TIMM23: variants seen among roughly 807,000 people sequenced by gnomAD.
TIMM23 encodes translocase of inner mitochondrial membrane 23, also known as mitochondrial import inner membrane translocase subunit Tim23.
Under a neutral mutation model 30.7 loss-of-function variants are expected in TIMM23, and 19 were observed. The observed-to-expected ratio is 0.62, with a 90% confidence interval of 0.43 to 0.91. The LOEUF (loss-of-function observed/expected upper bound fraction) is 0.91, where lower values mean the gene tolerates loss of function less well. Among genes scored for constraint, TIMM23 ranks in the 40% least tolerant of loss-of-function variants. TIMM23 has a pLI of 0.00. For synonymous variants in TIMM23, 78 were observed against 98.5 expected (o/e 0.79, Z 1.23); for missense variants, 202 against 269.2 (o/e 0.75, Z 1.75).
chr10:45,998,355 C>T (rs1838411023), intron 6 of TIMM23: 3 of 984,452 alleles, frequency 3.0e-6, no homozygotes, highest in Admixed American at 6.2e-5. Flanking sequence ...GCTTGCCTAT[C>T]GCTTTGGAAG....
In TIMM23 at chr10:46,003,336, G is replaced by C. The variant is rs1838613202; in HGVS notation, c.*18G>C. 6.4e-7 allele frequency: 1 copy of C among 1,559,154 alleles called. No individual in the cohort carries two copies. The highest frequency in any genetic ancestry group is 8.8e-7 in the Non-Finnish European group (1 of 1,130,270). On this transcript the variant is annotated 3_prime_UTR_variant, in exon 7 of 7. Transcript: ENST00000580018. The stretch of plus-strand genomic sequence containing the variant: ...CACTCTGAAGATTTTGCCAACTCAT[G>C]AATGGAGGACACTTCAGTAGTCATC...
intron 6 of TIMM23, among the ~76,000 whole-genome samples, chr10:45,993,543 G>C (rs2132273901): frequency 6.6e-6 from 1 of 152,150 alleles, no homozygotes; most frequent in South Asian, 2.1e-4. Context: ...GATAGAGCGA[G>C]TCTGTCTCAG....
At chr10:45,979,192 T>C (rs1177537013) in intron 2 of TIMM23, among the ~76,000 whole-genome samples, 1 of 152,204 alleles carries the variant, frequency 6.6e-6, no homozygotes, top group African/African-American at 2.4e-5. Flanking sequence ...TGCTTTAAAA[T>C]TTATTGTAGT....
At chr10:45,983,246 A>G (rs1392828920) in intron 4 of TIMM23, among the ~76,000 whole-genome samples, 3 of 152,102 alleles carry the variant, frequency 2.0e-5, no homozygotes, top group African/African-American at 7.2e-5. Context: ...GCTAATGGGA[A>G]TTTTGGATTG....
intron 6 of TIMM23, among the ~76,000 whole-genome samples, chr10:45,997,420 G>GA (rs1234752394): frequency 1.3e-5 from 2 of 152,104 alleles, no homozygotes; most frequent in African/African-American, 4.8e-5. Flanking sequence ...GATTCATACA[G>GA]AAAAAAAGTA....
chr10:46,000,427 C>A (rs1222652913), intron 6 of TIMM23, among the ~76,000 whole-genome samples: 1 of 152,166 alleles, frequency 6.6e-6, no homozygotes, highest in African/African-American at 2.4e-5. Context: ...ACCATGTTGC[C>A]CACGCTGGTC....
Position 45,972,810 on chromosome 10 carries a change from T to A in TIMM23, c.106+80T>A, listed in dbSNP as rs587642514. 4.6e-5 allele frequency: 72 copies of A among 1,559,114 alleles called. No homozygotes were observed. In the South Asian group the frequency reaches 8.0e-4, roughly 17 times the overall value. On this transcript the variant is annotated intron_variant, in intron 1 of 6. Coordinates refer to ENST00000580018, the MANE Select transcript of TIMM23 (RefSeq NM_006327.4). ...AAGTTGCGCGTCCCATGTTTTATGT[T>A]GTTGTTTTTTTTTTCCTTGCTGGCA...
chr10:46,002,161 C>T (rs895158051), intron 6 of TIMM23, among the ~76,000 whole-genome samples: 10 of 152,014 alleles, frequency 6.6e-5, no homozygotes, highest in African/African-American at 2.4e-4. Flanking sequence ...GCATCTAACT[C>T]AAAGTGTGAT....
intron 5 of TIMM23, among the ~76,000 whole-genome samples, chr10:45,987,610 T>C (rs1838027818): frequency 7.2e-6 from 1 of 138,626 alleles, no homozygotes; most frequent in Non-Finnish European, 1.5e-5. Context: ...GTATTTATTA[T>C]AAAGATTTTT....
At position 46,003,314 on chromosome 10, in the gene TIMM23, T is replaced by G. The variant is rs781976472; in HGVS notation, c.626T>G (p.Leu209Arg). 4.3e-5 allele frequency: 69 copies of G among 1,613,104 alleles called. No homozygotes were observed. The highest frequency in any genetic ancestry group is 5.7e-5 in the Non-Finnish European group (67 of 1,179,240). ...HMKGSLLQQS[L>R] ...AAAGGCTCCTTGCTCCAACAGTCAC[T>G]CTGAAGATTTTGCCAACTCATGAAT... Residue 209 changes from leucine to arginine, a missense_variant, in exon 7 of 7, where the codon CTC becomes CGC. Transcript: ENST00000580018.
rs1203886609 is a variant in TIMM23 at position 45,982,979 on chromosome 10, C to A, written c.344+49C>A. ...TGTAGTGATACTTGAATATTAAGCTCTGTTGTATTGGTTTGATGAGTACAA... is the reference window on the plus strand; with the variant it reads ...TGTAGTGATACTTGAATATTAAGCTATGTTGTATTGGTTTGATGAGTACAA... On this transcript the variant is annotated intron_variant, in intron 4 of 6. Transcript: ENST00000580018. 4 of 1,612,312 alleles carry A rather than the reference C, an allele frequency of 2.5e-6. No individual in the cohort carries two copies. In the African/African-American group the frequency reaches 5.3e-5, roughly 22 times the overall value.
At chr10:45,990,629 C>T in intron 6 of TIMM23, 2 of 410,666 alleles carry the variant, frequency 4.9e-6, no homozygotes, top group Non-Finnish European at 9.4e-6. Context: ...CACTGTGTTG[C>T]CCAAGCTGGT....
Position 45,985,596 on chromosome 10 carries a change from C to T in TIMM23, c.403+155C>T, listed in dbSNP as rs1273764603. ...ATGTAGATACTACTTAGGGAAAGAC[C>T]ATGAACTAACTTATGAAATAATCTC... On this transcript the variant is annotated intron_variant, in intron 5 of 6. Coordinates refer to ENST00000580018, the MANE Select transcript of TIMM23 (RefSeq NM_006327.4). Among the ~76,000 whole-genome samples the T allele has an allele frequency of 5.3e-3, 802 of 152,244 alleles. 4 individuals carry two copies. Among genetic ancestry groups the T allele is most frequent in the Middle Eastern group, 0.01 (3 of 294 alleles).
At chr10:45,975,415 A>G (rs1837640008) in intron 1 of TIMM23, 39 bp from the exon 2 acceptor site, 3 of 1,612,290 alleles carry the variant, frequency 1.9e-6, no homozygotes, top group Admixed American at 1.7e-5. Context: ...ATTAACTTAA[A>G]GAATTTTGTT....
In TIMM23 at chr10:45,989,122, A is replaced by G. The variant is rs1293118543; in HGVS notation, c.514+275A>G. 3.3e-5 allele frequency among the ~76,000 whole-genome samples: 5 copies of G among 152,332 alleles called. No individual in the cohort carries two copies. The South Asian group carries it at 1.0e-3, about 32-fold the overall frequency. ...TCATCTTGCAAAACTGATACTCTGT[A>G]CCTATTAAGCCTCCCAATTTACCAC... On this transcript the variant is annotated intron_variant, in intron 6 of 6. Coordinates refer to ENST00000580018, the MANE Select transcript of TIMM23 (RefSeq NM_006327.4).
intron 6 of TIMM23, among the ~76,000 whole-genome samples, chr10:45,993,691 TAAATG>T (rs1174647267): frequency 1.1e-3 from 167 of 145,948 alleles, no homozygotes; most frequent in African/African-American, 3.5e-3. Flanking sequence ...ATAAATGAAA[TAAATG>T]AAATGAAATA....
chr10:45,978,132 A>G (rs1351708198), intron 2 of TIMM23, among the ~76,000 whole-genome samples: 5,369 of 152,252 alleles, frequency 0.035, 145 homozygotes, highest in Middle Eastern at 0.071. Flanking sequence ...CGGGAGGATC[A>G]CTTGAGCCCA....
intron 5 of TIMM23, among the ~76,000 whole-genome samples, chr10:45,987,125 T>C (rs1395832150): frequency 4.1e-4 from 63 of 152,142 alleles, no homozygotes; most frequent in Non-Finnish European, 8.1e-4. Context: ...TTGATGGGCA[T>C]TTTATTTGTT....
chr10:46,003,579 T>G lies in TIMM23; in HGVS notation c.*261T>G. ...CTGGAGATCTTGCACGTATCTGTTT[T>G]CCTCCCCCATGAACTAGAAAACCAC... is the stretch of plus-strand genomic sequence containing the variant. On this transcript the variant is annotated 3_prime_UTR_variant, in exon 7 of 7. Transcript: ENST00000580018. The G allele has an allele frequency of 3.3e-6, 1 of 303,386 alleles. No homozygotes were observed. The highest frequency in any genetic ancestry group is 6.2e-6 in the Non-Finnish European group (1 of 160,536). The allele number at this position is 303,386 out of a possible 1,614,324, so 18.8% of individuals were successfully genotyped here.
Sources: gnomAD v4.1 joint callset for allele counts (sites outside exome capture counted in the v4.1 genomes callset) on GRCh38, gnomAD v4.1.1 for gene constraint, MANE v1.5 for transcripts, NCBI Gene and HGNC (gene_info 2026-07-23, HGNC 2026-07-21) for gene names.